Variants in IFFO1 observed in about 807,000 individuals in gnomAD.
IFFO1 encodes the protein intermediate filament family orphan 1.
IFFO1 carries 42 observed loss-of-function variants against 59.6 expected under a neutral mutation model. That is an observed-to-expected ratio of 0.70 (90% CI 0.55 to 0.91). The LOEUF (loss-of-function observed/expected upper bound fraction) is 0.91, where lower values mean the gene tolerates loss of function less well. Ranked by LOEUF, IFFO1 falls within the 40% of genes least tolerant of loss-of-function variation. The probability of loss-of-function intolerance (pLI) is 0.00; values close to 1 mark genes in which losing one functional copy is unlikely to be tolerated. For synonymous variants in IFFO1, 336 were observed against 342.8 expected (o/e 0.98, Z 0.22); for missense variants, 711 against 793.2 (o/e 0.90, Z 1.24).
In IFFO1 at chr12:6,539,585, T is replaced by C. The variant is rs1252131197; in HGVS notation, c.*898A>G. ...TTAAAGAATCCATTTGAATGTCAGC[T>C]CAACACAGCCTCCTATACCGAGGCA... On this transcript the variant is annotated 3_prime_UTR_variant, in exon 10 of 10. Coordinates refer to ENST00000619571, the MANE Select transcript of IFFO1 (RefSeq NM_001193457.2). The C allele has an allele frequency of 6.6e-6, 1 of 152,146 alleles. No homozygotes were observed. Among genetic ancestry groups the C allele is most frequent in the African/African-American group, 2.4e-5 (1 of 41,420 alleles). The allele number at this position is 152,146 out of a possible 1,614,324, so 9.4% of individuals were successfully genotyped here.
Position 6,541,479 on chromosome 12 carries a change from CT to C in IFFO1, c.1610+32del. 1 of 1,610,826 alleles carries C rather than the reference CT, an allele frequency of 6.2e-7. No individual in the cohort carries two copies. The highest frequency in any genetic ancestry group is 8.5e-7 in the Non-Finnish European group (1 of 1,179,780). On this transcript the variant is annotated intron_variant, in intron 9 of 9. Transcript: ENST00000619571. This position sits in a 1 kb window ranked among gnomAD's most constrained non-coding sequence, Gnocchi z 4.8. ...CAACCTTTCTCCCCGCTGTGTCCCC[CT>C]GGAAGGCCCCATGCCCAGGGGAGGC...
At position 6,556,005 on chromosome 12, in the gene IFFO1, G is replaced by A; in HGVS notation, c.25C>T (p.Leu9Phe). The A allele has an allele frequency of 1.3e-6, 2 of 1,581,066 alleles. No homozygotes were observed. The highest frequency in any genetic ancestry group is 1.1e-5 in the South Asian group (1 of 88,306). The change falls in exon 1 of 10, where the codon CTC becomes TTC. Residue 9 changes from leucine (L) to phenylalanine (F), a missense_variant. Leu to Phe is a conservative substitution (Grantham distance 22). This residue lies in a region of IFFO1 where 114 missense variants were observed against 102.4 expected (regional missense o/e 1.11). Coordinates refer to ENST00000619571, the MANE Select transcript of IFFO1 (RefSeq NM_001193457.2). ...TGCTGCTCCTGCTGCAGGAGGAAGA[G>A]GTTGGGGCCGAATAACGGATTCATG... MNPLFGPN[L>F]FLLQQEQQGL...
chr12:6,546,744 C>T (rs1316891838), intron 8 of IFFO1, among the ~76,000 whole-genome samples: 1 of 152,194 alleles, frequency 6.6e-6, no homozygotes, highest in Non-Finnish European at 1.5e-5. Flanking sequence ...CCGCCTCGGC[C>T]TCCCAAAGTG....
chr12:6,546,127 TAA>T (rs1352333480), intron 8 of IFFO1, among the ~76,000 whole-genome samples: 4 of 152,340 alleles, frequency 2.6e-5, no homozygotes, highest in African/African-American at 9.6e-5. Context: ...CAGCGCACGC[TAA>T]GTGCTTAGTT....
Position 6,549,368 on chromosome 12 carries a change from A to G in IFFO1, c.1080+108T>C, listed in dbSNP as rs1243891970. On this transcript the variant is annotated intron_variant, in intron 5 of 9. Transcript: ENST00000619571. This position sits in a 1 kb window ranked among gnomAD's most constrained non-coding sequence, Gnocchi z 5.0. ...GCAAGGAAAAGGGAAAGGGCAGAAAAAAATCCGTGCTCAAGAGCCCAGCGG... is the reference window on the plus strand; with the variant it reads ...GCAAGGAAAAGGGAAAGGGCAGAAAGAAATCCGTGCTCAAGAGCCCAGCGG... 9 of 1,099,170 alleles carry G rather than the reference A, an allele frequency of 8.2e-6. No individual in the cohort carries two copies. In the Admixed American group the frequency reaches 1.8e-4, roughly 22 times the overall value. The allele number at this position is 1,099,170 out of a possible 1,614,324, so 68.1% of individuals were successfully genotyped here.
chr12:6,541,704 C>A lies in IFFO1; in HGVS notation c.1480-62G>T, dbSNP rs979042896. On this transcript the variant is annotated intron_variant, in intron 8 of 9. Transcript: ENST00000619571. This position sits in a 1 kb window ranked among gnomAD's most constrained non-coding sequence, Gnocchi z 4.8. ...GTGGCGTTCACAGCGCCTCTGTTGC[C>A]CCCGCCAGGAGGCCAACACGCCAAG... 1.1e-5 allele frequency: 17 copies of A among 1,603,432 alleles called. No homozygotes were observed. Among genetic ancestry groups the A allele is most frequent in the Non-Finnish European group, 1.4e-5 (17 of 1,175,514 alleles).
chr12:6,554,342 T>C lies in IFFO1; in HGVS notation c.773+915A>G, dbSNP rs1304106312. On this transcript the variant is annotated intron_variant, in intron 1 of 9. Coordinates refer to ENST00000619571, the MANE Select transcript of IFFO1 (RefSeq NM_001193457.2). ...ACCCGCTCCCTCCTCAAGGCTTGGG[T>C]TGGAGTCTGCAAGACACTACCTCTG... is the stretch of plus-strand genomic sequence containing the variant. Among the ~76,000 whole-genome samples the C allele has an allele frequency of 7.9e-5, 12 of 152,290 alleles. 1 individual carries two copies. In the South Asian group the frequency reaches 2.5e-3, roughly 32 times the overall value.
intron 1 of IFFO1, chr12:6,551,530 A>AGT: frequency 8.0e-7 from 1 of 1,246,670 alleles, no homozygotes. Context: ...GTATCAACAG[A>AGT]GTGGGTCAAG....
intron 8 of IFFO1, among the ~76,000 whole-genome samples, chr12:6,542,743 C>T (rs554683159): frequency 1.3e-5 from 2 of 152,186 alleles, no homozygotes; most frequent in East Asian, 1.9e-4. Flanking sequence ...GAGCAGGACA[C>T]GGTGACTGTT....
intron 1 of IFFO1, among the ~76,000 whole-genome samples, chr12:6,554,398 C>T (rs944792529): frequency 1.3e-5 from 2 of 152,206 alleles, no homozygotes; most frequent in Non-Finnish European, 2.9e-5. Context: ...GCTTGGTTAT[C>T]AGCCATCTAA....
rs139605366 is a variant in IFFO1, at chr12:6,550,124, G to A, written c.931-228C>T. ...TCGGGCCACTGCTCCCTGGCCAAACGGAAGCCCTGGAGGGCATGGCCAGTG... is the reference window on the plus strand; with the variant it reads ...TCGGGCCACTGCTCCCTGGCCAAACAGAAGCCCTGGAGGGCATGGCCAGTG... On this transcript the variant is annotated intron_variant, in intron 3 of 9. Transcript: ENST00000619571. The A allele has an allele frequency of 4.7e-3, 2,284 of 487,154 alleles. 8 individuals are homozygous for A. Among genetic ancestry groups the A allele is most frequent in the Non-Finnish European group, 7.3e-3 (1,997 of 272,620 alleles). The allele number at this position is 487,154 out of a possible 1,614,324, so 30.2% of individuals were successfully genotyped here. A position where few individuals can be genotyped will look rare whatever the true frequency, so the allele number is the denominator to read the frequency against.
Position 6,549,190 on chromosome 12 carries a change from TAAAA to T in IFFO1, c.1080+282_1080+285del, listed in dbSNP as rs11439256. ...AGTCTTTTTGATTAAATGACTCAAC[TAAAA>T]AAAAAAAAGCTTTAGGACGCAAGGA... is the stretch of plus-strand genomic sequence containing the variant. On this transcript the variant is annotated intron_variant, in intron 5 of 9. Coordinates refer to ENST00000619571, the MANE Select transcript of IFFO1 (RefSeq NM_001193457.2). This position sits in a 1 kb window ranked among gnomAD's most constrained non-coding sequence, Gnocchi z 5.0. The T allele has an allele frequency of 5.0e-5, 22 of 437,216 alleles. No homozygotes were observed. The highest frequency in any genetic ancestry group is 7.6e-5 in the Non-Finnish European group (19 of 249,296). The allele number at this position is 437,216 out of a possible 1,614,324, so 27.1% of individuals were successfully genotyped here. A position where few individuals can be genotyped will look rare whatever the true frequency, so the allele number is the denominator to read the frequency against.
Position 6,540,469 on chromosome 12 carries a change from G to T in IFFO1, c.*14C>A, listed in dbSNP as rs764915685. 2.1e-5 allele frequency: 34 copies of T among 1,600,192 alleles called. No individual in the cohort carries two copies. The Admixed American group carries it at 5.5e-4, about 26-fold the overall frequency. On this transcript the variant is annotated 3_prime_UTR_variant, in exon 10 of 10. Transcript: ENST00000619571. Reference sequence around the variant, plus strand: ...CTGCTGCGAGGGCCTCGGGTGCAAGGGGGAGGCAGGTCTCTATCTCATGGA... The same window carrying T: ...CTGCTGCGAGGGCCTCGGGTGCAAGTGGGAGGCAGGTCTCTATCTCATGGA...
chr12:6,541,723 C>T lies in IFFO1; in HGVS notation c.1480-81G>A, dbSNP rs71584851. On this transcript the variant is annotated intron_variant, in intron 8 of 9. Coordinates refer to ENST00000619571, the MANE Select transcript of IFFO1 (RefSeq NM_001193457.2). This position sits in a 1 kb window ranked among gnomAD's most constrained non-coding sequence, Gnocchi z 4.8. ...TGTTGCCCCCGCCAGGAGGCCAACACGCCAAGAGCAGTGGCTGGGCCGGGG... is the reference window on the plus strand; with the variant it reads ...TGTTGCCCCCGCCAGGAGGCCAACATGCCAAGAGCAGTGGCTGGGCCGGGG... 5.4e-3 allele frequency: 8,461 copies of T among 1,574,672 alleles called. 25 individuals are homozygous for T. Among genetic ancestry groups the T allele is most frequent in the Non-Finnish European group, 6.4e-3 (7,419 of 1,154,294 alleles).
At chr12:6,542,013 G>T (rs1946740642) in intron 8 of IFFO1, among the ~76,000 whole-genome samples, 1 of 152,136 alleles carries the variant, frequency 6.6e-6, no homozygotes, top group African/African-American at 2.4e-5. Flanking sequence ...CCTGTACTGC[G>T]CTGGTCCTGG....
At chr12:6,550,141 T>C (rs1012817352) in intron 3 of IFFO1, 9 of 463,174 alleles carry the variant, frequency 1.9e-5, no homozygotes, top group African/African-American at 1.3e-4. Flanking sequence ...CTGGAGGGCA[T>C]GGCCAGTGCC....
chr12:6,539,170 T>TA (rs1310538816), downstream of IFFO1: 1 of 151,806 alleles, frequency 6.6e-6, no homozygotes, highest in Non-Finnish European at 1.5e-5. Context: ...CAAAAGTACA[T>TA]ACCTCGGTAG....
intron 1 of IFFO1, chr12:6,551,599 A>C (rs573329631): frequency 6.2e-6 from 4 of 643,294 alleles, no homozygotes; most frequent in South Asian, 4.4e-5. Flanking sequence ...ACCCACCCAG[A>C]GCCTCCTCTA....
At chr12:6,552,451 G>GC (rs1315055016) in intron 1 of IFFO1, among the ~76,000 whole-genome samples, 2 of 152,156 alleles carry the variant, frequency 1.3e-5, no homozygotes, top group African/African-American at 4.8e-5. Context: ...GCATTCTCAT[G>GC]CATACAGTCA....
Sources: gnomAD v4.1 joint callset for allele counts (sites outside exome capture counted in the v4.1 genomes callset) on GRCh38, gnomAD v4.1.1 for gene constraint, gnomAD v4.1.1 regional missense constraint, Gnocchi (gnomAD v3.1) non-coding constraint, MANE v1.5 for transcripts, NCBI Gene and HGNC (gene_info 2026-07-23, HGNC 2026-07-21) for gene names.